CLCN6: variants seen among roughly 807,000 people sequenced by gnomAD.
The protein encoded by CLCN6 is Cl-/H+ antiporter 6, also known as H(+)/Cl(-) exchange transporter 6.
Under a neutral mutation model 109.8 loss-of-function variants are expected in CLCN6, and 70 were observed. That is an observed-to-expected ratio of 0.64 (90% CI 0.53 to 0.78). The LOEUF (loss-of-function observed/expected upper bound fraction) is 0.78, where lower values mean the gene tolerates loss of function less well. Ranked by LOEUF, CLCN6 falls within the 30% of genes least tolerant of loss-of-function variation. CLCN6 has a pLI of 0.00. For missense variants in CLCN6, 984 were observed against 1,142.3 expected (o/e 0.86, Z 2.00); for synonymous variants, 444 against 447.8 (o/e 0.99, Z 0.11).
chr1:11,822,111 TG>T (rs1450946603), intron 5 of CLCN6, among the ~76,000 whole-genome samples: 1 of 151,894 alleles, frequency 6.6e-6, no homozygotes, highest in Non-Finnish European at 1.5e-5. Context: ...TTTCTTAAAA[TG>T]GTACTGAATG....
chr1:11,827,210 A>T lies in CLCN6; in HGVS notation c.829A>T (p.Thr277Ser), dbSNP rs754755019. 10 of 1,611,926 alleles carry T rather than the reference A, an allele frequency of 6.2e-6. No individual in the cohort carries two copies. Among genetic ancestry groups the T allele is most frequent in the Non-Finnish European group, 8.5e-6 (10 of 1,178,846 alleles). The change falls in exon 10 of 23, where the codon ACG becomes TCG. Residue 277 changes from threonine to serine, a missense_variant. By Grantham distance (58) the Thr-to-Ser change is moderately conservative (BLOSUM62 1). Coordinates refer to ENST00000346436, the MANE Select transcript of CLCN6 (RefSeq NM_001286.5). ...EGSSFWNQGL[T>S]WKVLFCSMSA... The stretch of plus-strand genomic sequence containing the variant: ...TTCGTCCTTCTGGAACCAAGGGCTC[A>T]CGTGGAAAGTGGTGAGGAGGACCTT...
intron 2 of CLCN6, among the ~76,000 whole-genome samples, chr1:11,811,551 T>C (rs1188956091): frequency 6.6e-6 from 1 of 152,116 alleles, no homozygotes; most frequent in Non-Finnish European, 1.5e-5. Context: ...CCCGGCTAAT[T>C]TTGTATTTTT....
chr1:11,826,104 T>C, intron 8 of CLCN6, 52 bp from the exon 9 acceptor site: 1 of 1,273,210 alleles, frequency 7.9e-7, no homozygotes, highest in South Asian at 1.2e-5. Context: ...GTACAGGTAG[T>C]ATTTGGTTAT....
At position 11,833,935 on chromosome 1, in the gene CLCN6, T is replaced by C; in HGVS notation, c.1431T>C (p.Cys477=). 1.2e-6 allele frequency: 2 copies of C among 1,614,032 alleles called. No individual in the cohort carries two copies. The highest frequency in any genetic ancestry group is 1.7e-6 in the Non-Finnish European group (2 of 1,179,998). ...LFFVLYFLLA[C]WTYGISVPSG... ...TCGTTCTCTATTTCTTGCTTGCATG[T>C]TGGACTTACGGCATTTCTGTTCCAA... Residue 477 remains cysteine, a synonymous_variant, in exon 15 of 23, where the codon TGT becomes TGC. Transcript: ENST00000346436.
chr1:11,821,087 CA>C (rs1262108683), intron 5 of CLCN6, among the ~76,000 whole-genome samples: 46 of 102,098 alleles, frequency 4.5e-4, no homozygotes, highest in East Asian at 6.0e-4. Flanking sequence ...AAAACAACAA[CA>C]AAAAAAAAAA....
rs776580850 is a variant in CLCN6, at chr1:11,824,496, G to T, written c.591G>T (p.Val197=). The part of the protein sequence containing the change: ...VLFSVAGGLF[V]EKEGPMIHSG... ...TTTCACCCTGCCCAGGGCTCTTCGTGGAGAAGGAAGGCCCCATGATCCACA... is the reference window on the plus strand; with the variant it reads ...TTTCACCCTGCCCAGGGCTCTTCGTTGAGAAGGAAGGCCCCATGATCCACA... Residue 197 remains valine, a synonymous_variant, in exon 8 of 23, where the codon GTG becomes GTT. Transcript: ENST00000346436. The T allele has an allele frequency of 1.2e-6, 2 of 1,613,664 alleles. No homozygotes were observed. The highest frequency in any genetic ancestry group is 1.3e-5 in the African/African-American group (1 of 75,002).
chr1:11,807,141 G>T lies in CLCN6; in HGVS notation c.98G>T (p.Gly33Val). ...TRTPEELTIL[G>V]ETQEEEDEIL... ...GATCTGTTTTTCTAGACCATCCTTG[G>T]AGAAACACAGGAGGAGGAGGATGAG... The change falls in exon 2 of 23, where the codon GGA becomes GTA. Residue 33 changes from glycine to valine, a missense_variant. Coordinates refer to ENST00000346436, the MANE Select transcript of CLCN6 (RefSeq NM_001286.5). The T allele has an allele frequency of 6.2e-7, 1 of 1,614,136 alleles. No homozygotes were observed. Among genetic ancestry groups the T allele is most frequent in the Non-Finnish European group, 8.5e-7 (1 of 1,179,996 alleles).
intron 20 of CLCN6, 118 bp downstream of exon 20, chr1:11,837,617 G>A: frequency 1.9e-6 from 2 of 1,034,984 alleles, no homozygotes; most frequent in East Asian, 2.6e-5. Context: ...GGCGAGAAGT[G>A]CAGAGTGGAC....
At chr1:11,823,443 C>G (rs185986470) in intron 6 of CLCN6, among the ~76,000 whole-genome samples, 1 of 151,684 alleles carries the variant, frequency 6.6e-6, no homozygotes, top group African/African-American at 2.4e-5. Flanking sequence ...TGCCATTGCA[C>G]TCCAGCCTGG....
chr1:11,820,551 G>C (rs910517724), intron 5 of CLCN6: 11 of 541,658 alleles, frequency 2.0e-5, no homozygotes, highest in Non-Finnish European at 3.4e-5. Context: ...CGGATCACAA[G>C]GTCAGGAGAT....
chr1:11,839,059 G>C, intron 22 of CLCN6: 2 of 596,836 alleles, frequency 3.4e-6, no homozygotes, highest in Non-Finnish European at 3.0e-6. Context: ...TATTGCTGCA[G>C]ACTTTCCTTT....
chr1:11,842,468 C>CCACTCATGACAAATCA lies in CLCN6; in HGVS notation c.*2246_*2261dup, dbSNP rs1553122526. On this transcript the variant is annotated 3_prime_UTR_variant, in exon 23 of 23. Coordinates refer to ENST00000346436, the MANE Select transcript of CLCN6 (RefSeq NM_001286.5). ...GATAAGCCCAAAGACAGCAACTTCT[C>CCACTCATGACAAATCA]CACTCATGACAAATCAACTGTGACC... The CCACTCATGACAAATCA allele has an allele frequency of 1.3e-5, 2 of 152,732 alleles. No homozygotes were observed. The highest frequency in any genetic ancestry group is 2.4e-5 in the African/African-American group (1 of 41,476). The allele number at this position is 152,732 out of a possible 1,614,324, so 9.5% of individuals were successfully genotyped here.
Position 11,828,721 on chromosome 1 carries a change from G to A in CLCN6, c.1121+97G>A, listed in dbSNP as rs1215519154. 1.2e-5 allele frequency: 15 copies of A among 1,283,426 alleles called. 1 individual carries two copies. The South Asian group carries it at 1.7e-4, about 15-fold the overall frequency. The allele number at this position is 1,283,426 out of a possible 1,614,324, so 79.5% of individuals were successfully genotyped here. On this transcript the variant is annotated intron_variant, in intron 12 of 22. Transcript: ENST00000346436. The stretch of plus-strand genomic sequence containing the variant: ...CCCGAGGAGCGGACCCTGCCTCCAC[G>A]GCTTTGATTTCTCATCTAAGACTGA...
chr1:11,837,543 A>G (rs766425619), intron 20 of CLCN6, 44 bp downstream of exon 20: 57 of 1,590,784 alleles, frequency 3.6e-5, no homozygotes, highest in Admixed American at 6.7e-5. Context: ...AGACCTGACG[A>G]AGCTCGAGGG....
At chr1:11,821,659 G>T (rs1644745699) in intron 5 of CLCN6, among the ~76,000 whole-genome samples, 1 of 152,172 alleles carries the variant, frequency 6.6e-6, no homozygotes, top group Non-Finnish European at 1.5e-5. Flanking sequence ...ATTCTCAAAA[G>T]AGAAAAACTG....
chr1:11,831,371 T>C (rs1644882207), intron 13 of CLCN6, among the ~76,000 whole-genome samples: 1 of 152,034 alleles, frequency 6.6e-6, no homozygotes, highest in East Asian at 1.9e-4. Flanking sequence ...TGGCTGGGCT[T>C]GTTTTGAACT....
Position 11,833,859 on chromosome 1 carries a change from T to C in CLCN6, c.1373-18T>C, listed in dbSNP as rs1343768322. ...CAGGCATCCGGTAGTGGGACTCAGG[T>C]TGGCTCTTCCCTTGCAGGTACTTTC... On this transcript the variant is annotated intron_variant, in intron 14 of 22. Transcript: ENST00000346436. 3.7e-6 allele frequency: 6 copies of C among 1,604,176 alleles called. No homozygotes were observed. The highest frequency in any genetic ancestry group is 5.1e-6 in the Non-Finnish European group (6 of 1,175,232).
Position 11,826,179 on chromosome 1 carries a change from G to C in CLCN6, c.672G>C (p.Lys224Asn), listed in dbSNP as rs200555989. ...LPQFQSISLR[K>N]IQFNFPYFRS... is the part of the protein sequence containing the mutation. ...AGTTTCAGAGCATCTCCTTACGGAA[G>C]ATCCAGTTTAACTTCCCCTATTTCC... Residue 224 changes from lysine (K) to asparagine (N), a missense_variant, in exon 9 of 23, where the codon AAG (lysine) becomes AAC (asparagine). By Grantham distance (94) the Lys-to-Asn change is moderately conservative. Transcript: ENST00000346436. The C allele has an allele frequency of 2.5e-6, 4 of 1,613,836 alleles. No homozygotes were observed. Among genetic ancestry groups the C allele is most frequent in the Non-Finnish European group, 3.4e-6 (4 of 1,179,900 alleles).
At chr1:11,823,453 G>A (rs1183604310) in intron 6 of CLCN6, among the ~76,000 whole-genome samples, 1 of 151,622 alleles carries the variant, frequency 6.6e-6, no homozygotes, top group Non-Finnish European at 1.5e-5. Context: ...CTCCAGCCTG[G>A]GCAACAAGAG....
Sources: allele counts gnomAD v4.1 joint callset (sites outside exome capture counted in the v4.1 genomes callset), GRCh38; gene constraint gnomAD v4.1.1; transcripts MANE v1.5; gene names NCBI Gene and HGNC (gene_info 2026-07-23, HGNC 2026-07-21).